RORA: variants seen among roughly 807,000 people sequenced by gnomAD.
RORA encodes nuclear receptor ROR-alpha.
In RORA, 7 loss-of-function variants were observed where a neutral mutation model predicts 69.5. That is an observed-to-expected ratio of 0.10 (90% CI 0.06 to 0.19). The LOEUF is 0.19. RORA is among the 10% of genes least tolerant of loss of function. The pLI is 1.00. For missense variants in RORA, 457 were observed against 663.0 expected (o/e 0.69, Z 3.41); for synonymous variants, 261 against 240.8 (o/e 1.08, Z -0.78).
intron 1 of RORA, among the ~76,000 whole-genome samples, chr15:60,715,767 T>C (rs2071211229): frequency 1.3e-5 from 2 of 152,174 alleles, no homozygotes; most frequent in African/African-American, 4.8e-5. Flanking sequence ...ACTGTATGCA[T>C]GTACACAAAC....
In RORA at chr15:61,147,334, T is replaced by C. The variant is rs1200759377; in HGVS notation, c.166+81719A>G. 6.6e-6 allele frequency among the ~76,000 whole-genome samples: 1 copy of C among 152,152 alleles called. No individual in the cohort carries two copies. ...TGGTGCCTGGCCAGTCCCACTAGGC[T>C]TGGCTCTTCCAGTTCCTGCTGGAAG... On this transcript the variant is annotated intron_variant, in intron 1 of 10. Coordinates refer to ENST00000335670, the MANE Select transcript of RORA (RefSeq NM_134261.3). The surrounding 1 kb of genome is among the most constrained non-coding windows in gnomAD (Gnocchi z 4.1).
intron 1 of RORA, among the ~76,000 whole-genome samples, chr15:61,150,990 C>A (rs2079392886): frequency 6.6e-6 from 1 of 152,186 alleles, no homozygotes; most frequent in African/African-American, 2.4e-5. Flanking sequence ...AAAGAGAATA[C>A]AGGTATTGGA....
chr15:60,693,632 A>G (rs1313934886), intron 1 of RORA, among the ~76,000 whole-genome samples: 2 of 152,328 alleles, frequency 1.3e-5, no homozygotes, highest in Admixed American at 6.5e-5. Context: ...AATCACAAAC[A>G]TTCCTATTCA....
At chr15:61,223,731 G>T (rs766792289) in intron 1 of RORA, among the ~76,000 whole-genome samples, 1 of 152,056 alleles carries the variant, frequency 6.6e-6, no homozygotes, top group Non-Finnish European at 1.5e-5. Flanking sequence ...GGACTAGTAC[G>T]TTTAGAAAAC....
chr15:61,133,011 G>A (rs980692799), intron 1 of RORA, among the ~76,000 whole-genome samples: 3 of 151,630 alleles, frequency 2.0e-5, no homozygotes, highest in African/African-American at 4.8e-5. Context: ...ATCCAACTAC[G>A]GGAACAGAAT....
intron 1 of RORA, among the ~76,000 whole-genome samples, chr15:60,886,950 A>C (rs1008494173): frequency 2.6e-5 from 4 of 152,178 alleles, no homozygotes; most frequent in African/African-American, 9.6e-5. Context: ...ATTTAAACCC[A>C]ACAGCCCACT....
At position 60,591,291 on chromosome 15, in the gene RORA, A is replaced by AGCGGGCG. The variant is rs533592958; in HGVS notation, c.197-59447_197-59441dup. On this transcript the variant is annotated intron_variant, in intron 2 of 10. Transcript: ENST00000335670. ...ACGGCGAGGAACCTGCGGGCGCACA[A>AGCGGGCG]GCGGGCGGCGGGCGGCGGGCGGCGT... is the stretch of plus-strand genomic sequence containing the variant. Among the ~76,000 whole-genome samples the AGCGGGCG allele has an allele frequency of 6.7e-3, 1,023 of 152,206 alleles. 5 individuals carry two copies. Among genetic ancestry groups the AGCGGGCG allele is most frequent in the East Asian group, 0.014 (71 of 5,176 alleles).
At chr15:60,520,795 CTAA>C (rs987372568) in intron 3 of RORA, among the ~76,000 whole-genome samples, 2 of 152,128 alleles carry the variant, frequency 1.3e-5, no homozygotes, top group Non-Finnish European at 2.9e-5. Context: ...TTTGTTATTT[CTAA>C]AAGATAAGCT....
At chr15:60,977,622 C>CT (rs1893914186) in intron 1 of RORA, among the ~76,000 whole-genome samples, 1 of 152,152 alleles carries the variant, frequency 6.6e-6, no homozygotes, top group African/African-American at 2.4e-5. Context: ...CCAATTCCCT[C>CT]TCCTTCATCC....
At chr15:61,220,352 C>T (rs553291192) in intron 1 of RORA, among the ~76,000 whole-genome samples, 1 of 152,322 alleles carries the variant, frequency 6.6e-6, no homozygotes, top group South Asian at 2.1e-4. Context: ...TGTCACATGG[C>T]CTTTTCATCA....
chr15:60,906,893 C>T (rs1186737428), intron 1 of RORA, among the ~76,000 whole-genome samples: 2 of 152,124 alleles, frequency 1.3e-5, no homozygotes, highest in South Asian at 2.1e-4. Context: ...AAGAGCTGTA[C>T]ATCTATAGTT....
At chr15:60,712,874 C>G (rs912220165) in intron 1 of RORA, among the ~76,000 whole-genome samples, 1 of 152,136 alleles carries the variant, frequency 6.6e-6, no homozygotes, top group African/African-American at 2.4e-5. Context: ...GGGAGAAAAA[C>G]CCTGAAGATG....
intron 1 of RORA, among the ~76,000 whole-genome samples, chr15:60,826,765 CCCT>C (rs2072966410): frequency 4.7e-5 from 4 of 85,568 alleles, no homozygotes; most frequent in Admixed American, 1.1e-4. Flanking sequence ...CTCTCTCTCT[CCCT>C]CTCTCTCTCT....
At chr15:60,732,678 G>T (rs184201186) in intron 1 of RORA, among the ~76,000 whole-genome samples, 1 of 151,774 alleles carries the variant, frequency 6.6e-6, no homozygotes, top group East Asian at 1.9e-4. Context: ...ATATCCACCC[G>T]TGGACAAACA....
chr15:60,940,213 T>C (rs1035946483), intron 1 of RORA, among the ~76,000 whole-genome samples: 2 of 152,158 alleles, frequency 1.3e-5, no homozygotes, highest in African/African-American at 4.8e-5. Context: ...AAATTAAAGA[T>C]AAAATTGTTG....
At chr15:60,909,845 G>C (rs1026055895) in intron 1 of RORA, among the ~76,000 whole-genome samples, 3 of 152,176 alleles carry the variant, frequency 2.0e-5, no homozygotes, top group African/African-American at 4.8e-5. Context: ...TTTACAAGGT[G>C]GTCTGGAATG....
chr15:61,046,915 G>T (rs1410121720), intron 1 of RORA, among the ~76,000 whole-genome samples: 1 of 152,216 alleles, frequency 6.6e-6, no homozygotes, highest in African/African-American at 2.4e-5. Flanking sequence ...AGCATACTTT[G>T]TCAAAGTGGA....
intron 1 of RORA, among the ~76,000 whole-genome samples, chr15:61,151,938 TCACAAAGAGGGCC>T (rs1165792586): frequency 2.6e-5 from 4 of 152,146 alleles, no homozygotes; most frequent in Non-Finnish European, 5.9e-5. Flanking sequence ...CAGGCCCATA[TCACAAAGAGGGCC>T]CACTGTGCTC....
At chr15:61,043,543 C>G (rs556415596) in intron 1 of RORA, among the ~76,000 whole-genome samples, 30 of 152,268 alleles carry the variant, frequency 2.0e-4, no homozygotes, top group Non-Finnish European at 2.9e-4. Flanking sequence ...TTTTTAAATA[C>G]CTGGACATCA....
Sources: gnomAD v4.1 joint callset for allele counts (sites outside exome capture counted in the v4.1 genomes callset) on GRCh38, gnomAD v4.1.1 for gene constraint, Gnocchi (gnomAD v3.1) non-coding constraint, MANE v1.5 for transcripts, NCBI Gene and HGNC (gene_info 2026-07-23, HGNC 2026-07-21) for gene names.